The following KANK1 variants were observed in gnomAD, a reference collection of about 807,000 sequenced individuals.
KANK1 encodes KN motif and ankyrin repeat domain-containing protein 1.
Under a neutral mutation model 106.2 loss-of-function variants are expected in KANK1, and 109 were observed. The observed-to-expected ratio is 1.03, with a 90% CI of 0.88 to 1.20. The LOEUF (loss-of-function observed/expected upper bound fraction) is 1.20, where lower values mean the gene tolerates loss of function less well. Among genes scored for constraint, KANK1 ranks in the 50% most tolerant of loss-of-function variants. The probability of loss-of-function intolerance (pLI) is 0.00; values close to 1 mark genes in which losing one functional copy is unlikely to be tolerated. For missense variants in KANK1, 2,399 were observed against 1,710.7 expected, an observed-to-expected ratio of 1.40 and a Z score of -7.10; for synonymous variants, 873 against 652.2, an observed-to-expected ratio of 1.34 and a Z score of -5.16.
At chr9:502,671 C>T (rs562107126), upstream of KANK1, among the ~76,000 whole-genome samples, 114 of 152,080 alleles carry the variant, frequency 7.5e-4, no homozygotes, top group African/African-American at 2.6e-3. Context: ...TACAGGTGCA[C>T]GTCACCACGC....
intron 1 of KANK1, among the ~76,000 whole-genome samples, chr9:557,996 C>G (rs1815301618): frequency 2.0e-5 from 1 of 49,340 alleles, no homozygotes; most frequent in Non-Finnish European, 6.0e-5. Flanking sequence ...CAGAGCAAGA[C>G]TCTCTCAAAA....
At chr9:693,731 G>C in intron 2 of KANK1, 2 of 985,350 alleles carry the variant, frequency 2.0e-6, no homozygotes, top group East Asian at 1.1e-4. Context: ...AGGGAAGTTT[G>C]CCTGAGACCT....
chr9:618,509 C>T (rs1434962829), intron 1 of KANK1, among the ~76,000 whole-genome samples: 1 of 152,070 alleles, frequency 6.6e-6, no homozygotes, highest in Non-Finnish European at 1.5e-5. Flanking sequence ...TGCCTGGCCC[C>T]AGATTACATT....
intron 1 of KANK1, among the ~76,000 whole-genome samples, chr9:594,269 A>C (rs557923236): frequency 3.3e-5 from 5 of 151,998 alleles, no homozygotes; most frequent in Non-Finnish European, 7.4e-5. Context: ...CAAAGCAATT[A>C]AATAGTAGTG....
chr9:743,804 G>A (rs564514487), intron 10 of KANK1, among the ~76,000 whole-genome samples: 6 of 152,306 alleles, frequency 3.9e-5, no homozygotes, highest in South Asian at 2.1e-4. Context: ...CAAGGCTACC[G>A]TGATCTGTGA....
At chr9:690,133 C>CAAA (rs57837964) in intron 2 of KANK1, among the ~76,000 whole-genome samples, 2,536 of 61,636 alleles carry the variant, frequency 0.041, 154 homozygotes, top group African/African-American at 0.049. Flanking sequence ...TCTAAAAATA[C>CAAA]AAAAAAAAAA....
chr9:588,146 A>C (rs1823969159), intron 1 of KANK1, among the ~76,000 whole-genome samples: 3 of 152,074 alleles, frequency 2.0e-5, no homozygotes, highest in African/African-American at 7.2e-5. Context: ...TTCAGAACTT[A>C]AACCAGTGAG....
chr9:711,645 C>G lies in KANK1; in HGVS notation c.879C>G (p.Val293=). ...CTGTGCTCCAGGTAAAGATCTCTGT[C>G]TTGCAAGAAGAGAAAAGGCAGTTGG... ...TIPVLQVKIS[V]LQEEKRQLVS... is the part of the protein sequence containing the mutation. The change falls in exon 3 of 12, where the codon GTC becomes GTG. Residue 293 remains valine, a synonymous_variant. Transcript: ENST00000382297. 1 of 1,614,186 alleles carries G rather than the reference C, an allele frequency of 6.2e-7. No individual in the cohort carries two copies. The highest frequency in any genetic ancestry group is 8.5e-7 in the Non-Finnish European group (1 of 1,180,044).
chr9:560,555 A>T (rs536593062), intron 1 of KANK1, among the ~76,000 whole-genome samples: 2 of 152,354 alleles, frequency 1.3e-5, no homozygotes, highest in African/African-American at 4.8e-5. Flanking sequence ...TTGAAGACTC[A>T]TGTTTTCACA....
chr9:702,763 G>A (rs777160825), intron 2 of KANK1, among the ~76,000 whole-genome samples: 1 of 152,076 alleles, frequency 6.6e-6, no homozygotes, highest in Non-Finnish European at 1.5e-5. Flanking sequence ...CCCTGCTCCA[G>A]GATGTGAGAT....
At chr9:551,677 C>T (rs1243362032) in intron 1 of KANK1, among the ~76,000 whole-genome samples, 1 of 152,102 alleles carries the variant, frequency 6.6e-6, no homozygotes, top group Non-Finnish European at 1.5e-5. Flanking sequence ...CTTGCCTCCA[C>T]ACAGCTTGCA....
intron 1 of KANK1, among the ~76,000 whole-genome samples, chr9:648,686 T>G (rs1840251573): frequency 6.6e-6 from 1 of 152,124 alleles, no homozygotes; most frequent in Non-Finnish European, 1.5e-5. Context: ...CAAGGGGAGC[T>G]CACGTCTTTG....
At position 652,350 on chromosome 9, in the gene KANK1, G is replaced by A. The variant is rs1038928755; in HGVS notation, c.-83-24540G>A. Among the ~76,000 whole-genome samples, 6 of 152,078 alleles carry A rather than the reference G, an allele frequency of 3.9e-5. No homozygotes were observed. The East Asian group carries it at 5.8e-4, about 15-fold the overall frequency. ...AGCCTGGCCAACATGGTGAAACCCC[G>A]TATCTACTAAAAATACAAAAAAATT... On this transcript the variant is annotated intron_variant, in intron 1 of 11. Coordinates refer to ENST00000382297, the MANE Select transcript of KANK1 (RefSeq NM_015158.5).
chr9:619,176 T>C (rs1022175667), intron 1 of KANK1, among the ~76,000 whole-genome samples: 4 of 152,226 alleles, frequency 2.6e-5, no homozygotes, highest in African/African-American at 9.6e-5. Flanking sequence ...CAGCCAATAC[T>C]TAAAAGGAAC....
Position 738,640 on chromosome 9 carries a change from G to C in KANK1, c.3553+136G>C, listed in dbSNP as rs540601883. 1.2e-5 allele frequency: 8 copies of C among 694,322 alleles called. No homozygotes were observed. The African/African-American group carries it at 1.4e-4, about 12-fold the overall frequency. 43.0% of individuals were successfully genotyped at this position (694,322 alleles called of 1,614,324 possible). On this transcript the variant is annotated intron_variant, in intron 8 of 11. Transcript: ENST00000382297. Reference sequence around the variant, plus strand: ...TTTTATTGCTTTTCCACATGACATGGCAAGAATTTTCTTGAGTCATTCATA... The same window carrying C: ...TTTTATTGCTTTTCCACATGACATGCCAAGAATTTTCTTGAGTCATTCATA...
chr9:587,094 G>A (rs1159906894), intron 1 of KANK1, among the ~76,000 whole-genome samples: 3 of 152,114 alleles, frequency 2.0e-5, no homozygotes, highest in Non-Finnish European at 2.9e-5. Context: ...AATTGTCCAC[G>A]GAGTTGAAAT....
chr9:719,616 T>G (rs141237785), intron 3 of KANK1, among the ~76,000 whole-genome samples: 1 of 152,364 alleles, frequency 6.6e-6, no homozygotes, highest in Non-Finnish European at 1.5e-5. Flanking sequence ...TTTAAATTGA[T>G]TTTCTAACAA....
At chr9:539,013 T>C (rs2133784674) in intron 1 of KANK1, among the ~76,000 whole-genome samples, 1 of 152,296 alleles carries the variant, frequency 6.6e-6, no homozygotes, top group South Asian at 2.1e-4. Context: ...CCCGAGTAGC[T>C]GGGATTACAG....
Position 712,379 on chromosome 9 carries a change from T to G in KANK1, c.1613T>G (p.Val538Gly). The G allele has an allele frequency of 6.2e-7, 1 of 1,614,140 alleles. No individual in the cohort carries two copies. Among genetic ancestry groups the G allele is most frequent in the East Asian group, 2.2e-5 (1 of 44,862 alleles). Residue 538 changes from valine (V) to glycine (G), a missense_variant, in exon 3 of 12, where the codon GTT becomes GGT. Transcript: ENST00000382297. The stretch of plus-strand genomic sequence containing the variant: ...CACATGGACCTGGTGGACACGTGTG[T>G]TGGGACCTCCGTGGAAACAAACAGT... ...GSHMDLVDTC[V>G]GTSVETNSVG...
Sources: allele counts gnomAD v4.1 joint callset (sites outside exome capture counted in the v4.1 genomes callset), GRCh38; gene constraint gnomAD v4.1.1; transcripts MANE v1.5; gene names NCBI Gene and HGNC (gene_info 2026-07-23, HGNC 2026-07-21).